Variants in PALLD observed in about 807,000 individuals in gnomAD.
PALLD encodes the protein palladin, cytoskeletal associated protein, also known as palladin.
PALLD carries 61 observed loss-of-function variants against 123.5 expected under a neutral mutation model. The ratio of observed to expected loss-of-function variants is 0.49; its 90% confidence interval spans 0.40 to 0.61. The LOEUF (loss-of-function observed/expected upper bound fraction) is 0.61. Ranked by LOEUF, PALLD falls within the 20% of genes least tolerant of loss-of-function variation. The probability of loss-of-function intolerance (pLI) is 0.00; values close to 1 mark genes in which losing one functional copy is unlikely to be tolerated. For synonymous variants in PALLD, 465 were observed against 496.4 expected (o/e 0.94, Z 0.84); for missense variants, 1,273 against 1,377.0 (o/e 0.92, Z 1.20).
At chr4:168,691,107 G>A (rs551067658) in intron 7 of PALLD, among the ~76,000 whole-genome samples, 162 bp from the exon 8 acceptor site, 155 of 152,192 alleles carry the variant, frequency 1.0e-3, no homozygotes, top group Admixed American at 6.7e-3. Flanking sequence ...AATATAAACC[G>A]ATCTATCACT....
chr4:168,686,861 T>C (rs529857780), intron 6 of PALLD: 1 of 152,326 alleles, frequency 6.6e-6, no homozygotes, highest in African/African-American at 2.4e-5. Context: ...GTGGGATTTG[T>C]CCTATAAGAT....
rs116470477 is a variant in PALLD, at chr4:168,713,516, A to T, written c.1964+1593A>T. Among the ~76,000 whole-genome samples, 737 of 152,320 alleles carry T rather than the reference A, an allele frequency of 4.8e-3. 7 individuals are homozygous for T. Among genetic ancestry groups the T allele is most frequent in the Middle Eastern group, 0.027 (8 of 294 alleles). ...GTATCATAAATTGGATGTAAATCAC[A>T]GGAGAGCAAATACGAGGAGCTGTTA... On this transcript the variant is annotated intron_variant, in intron 10 of 21. Coordinates refer to ENST00000505667, the MANE Select transcript of PALLD (RefSeq NM_001166108.2).
At chr4:168,917,049 GTTT>G (rs1190179892) in intron 17 of PALLD, among the ~76,000 whole-genome samples, 2 of 124,864 alleles carry the variant, frequency 1.6e-5, no homozygotes, top group Non-Finnish European at 3.4e-5. Flanking sequence ...TTTTTTTGGG[GTTT>G]TTTTTTTTTT....
intron 10 of PALLD, among the ~76,000 whole-genome samples, chr4:168,884,095 A>G (rs983343144): frequency 4.6e-5 from 7 of 152,304 alleles, no homozygotes; most frequent in African/African-American, 1.4e-4. Context: ...TTAGTTTTAT[A>G]GGAAAACAAA....
intron 10 of PALLD, among the ~76,000 whole-genome samples, chr4:168,799,627 G>A (rs1739024655): frequency 6.6e-6 from 1 of 152,198 alleles, no homozygotes; most frequent in Non-Finnish European, 1.5e-5. Context: ...TGCTTGTTAA[G>A]TAACCAAGAT....
rs114120096 is a variant in PALLD at position 168,742,072 on chromosome 4, C to T, written c.1964+30149C>T. On this transcript the variant is annotated intron_variant, in intron 10 of 21. Transcript: ENST00000505667. ...AGATCCACCACCTGTGCTCTTGCTGCCCAGCATCTAGGGAGCTTTGCTATT... is the reference window on the plus strand; with the variant it reads ...AGATCCACCACCTGTGCTCTTGCTGTCCAGCATCTAGGGAGCTTTGCTATT... Among the ~76,000 whole-genome samples, 506 of 152,272 alleles carry T rather than the reference C, an allele frequency of 3.3e-3. 2 individuals carry two copies. Among genetic ancestry groups the T allele is most frequent in the African/African-American group, 0.012 (490 of 41,564 alleles).
intron 3 of PALLD, among the ~76,000 whole-genome samples, chr4:168,676,351 T>C (rs529135153): frequency 6.6e-6 from 1 of 152,056 alleles, no homozygotes; most frequent in East Asian, 1.9e-4. Context: ...TTGGTAATTA[T>C]AGCAACTGAT....
chr4:168,659,857 T>C (rs889600224), intron 2 of PALLD, among the ~76,000 whole-genome samples: 1 of 152,202 alleles, frequency 6.6e-6, no homozygotes, highest in Non-Finnish European at 1.5e-5. Context: ...CTGTCACTCA[T>C]AAAATCTATA....
At chr4:168,644,202 C>T (rs1777221195) in intron 2 of PALLD, among the ~76,000 whole-genome samples, 1 of 151,704 alleles carries the variant, frequency 6.6e-6, no homozygotes, top group African/African-American at 2.4e-5. Flanking sequence ...GATTCTGTTG[C>T]CTCAGCCTCC....
chr4:168,658,862 T>A (rs1471315306), intron 2 of PALLD, among the ~76,000 whole-genome samples: 1 of 152,224 alleles, frequency 6.6e-6, no homozygotes, highest in East Asian at 1.9e-4. Flanking sequence ...CCAATCTATT[T>A]ATTGGTCTCT....
intron 10 of PALLD, among the ~76,000 whole-genome samples, chr4:168,794,438 CACAT>C (rs1738114065): frequency 8.9e-6 from 1 of 112,056 alleles, no homozygotes; most frequent in Admixed American, 8.0e-5. Flanking sequence ...CGCGCGCACA[CACAT>C]AGACATACGC....
At position 168,611,710 on chromosome 4, in the gene PALLD, A is replaced by G. The variant is rs3936210; in HGVS notation, c.909-56480A>G. Among the ~76,000 whole-genome samples the G allele has an allele frequency of 4.9e-3, 739 of 152,272 alleles. 3 individuals carry two copies. Among genetic ancestry groups the G allele is most frequent in the African/African-American group, 0.016 (684 of 41,550 alleles). ...CTTTCTGGTACCATTTTAATGCTCA[A>G]CTACCTGGAATCTGGGCTGATACTG... On this transcript the variant is annotated intron_variant, in intron 2 of 21. Transcript: ENST00000505667.
chr4:168,526,858 G>A (rs550706873), intron 2 of PALLD, among the ~76,000 whole-genome samples: 13 of 152,272 alleles, frequency 8.5e-5, no homozygotes, highest in Non-Finnish European at 1.6e-4. Flanking sequence ...GAAGCCTCCA[G>A]AAAGGGAATC....
chr4:168,543,327 T>G (rs561178164), intron 2 of PALLD, among the ~76,000 whole-genome samples: 1 of 151,746 alleles, frequency 6.6e-6, no homozygotes, highest in African/African-American at 2.4e-5. Flanking sequence ...TTATCTTTTT[T>G]TTTTTTGGCA....
chr4:168,872,022 G>A (rs943936738), intron 10 of PALLD, among the ~76,000 whole-genome samples: 6 of 152,150 alleles, frequency 3.9e-5, no homozygotes, highest in African/African-American at 1.4e-4. Flanking sequence ...ATGAGAAACA[G>A]TTCACATTGC....
intron 2 of PALLD, among the ~76,000 whole-genome samples, chr4:168,524,355 A>G (rs917168940): frequency 7.9e-5 from 12 of 152,366 alleles, no homozygotes; most frequent in South Asian, 2.1e-4. Flanking sequence ...TAAAAATAAC[A>G]TACTAAGATA....
intron 10 of PALLD, chr4:168,843,876 C>T (rs534073631): frequency 5.3e-5 from 8 of 152,282 alleles, no homozygotes; most frequent in African/African-American, 1.7e-4. Context: ...ATTGAACTTC[C>T]GTGCCAAATT....
At chr4:168,633,592 T>C (rs1027603771) in intron 2 of PALLD, among the ~76,000 whole-genome samples, 11 of 152,172 alleles carry the variant, frequency 7.2e-5, no homozygotes, top group Admixed American at 3.3e-4. Flanking sequence ...TCTTTTTTCT[T>C]TTCTTTTTGC....
intron 10 of PALLD, among the ~76,000 whole-genome samples, chr4:168,825,380 G>A (rs780774141): frequency 6.6e-6 from 1 of 151,912 alleles, no homozygotes; most frequent in Non-Finnish European, 1.5e-5. Context: ...TTAGTAGTTG[G>A]ATATCTTTGT....
Sources: allele counts gnomAD v4.1 joint callset (sites outside exome capture counted in the v4.1 genomes callset), GRCh38; gene constraint gnomAD v4.1.1; transcripts MANE v1.5; gene names NCBI Gene and HGNC (gene_info 2026-07-23, HGNC 2026-07-21).